WWOX: variants seen among roughly 807,000 people sequenced by gnomAD.
The protein encoded by WWOX is WW domain containing oxidoreductase.
In WWOX, 69 loss-of-function variants were observed where a neutral mutation model predicts 46.2. The observed-to-expected ratio is 1.49, with a 90% CI of 1.23 to 1.82. The LOEUF (loss-of-function observed/expected upper bound fraction) is 1.82. Ranked by LOEUF, WWOX falls within the 40% of genes most tolerant of loss-of-function variation. The probability of loss-of-function intolerance (pLI) is 0.00; values close to 1 mark genes in which losing one functional copy is unlikely to be tolerated. For synonymous variants in WWOX, 359 were observed against 202.6 expected, an observed-to-expected ratio of 1.77 and a Z score of -6.56; for missense variants, 919 against 542.6, an observed-to-expected ratio of 1.69 and a Z score of -6.89.
At position 78,432,691 on chromosome 16, in the gene WWOX, A is replaced by G; in HGVS notation, c.995A>G (p.His332Arg). 1 of 1,614,190 alleles carries G rather than the reference A, an allele frequency of 6.2e-7. No individual in the cohort carries two copies. The highest frequency in any genetic ancestry group is 8.5e-7 in the Non-Finnish European group (1 of 1,180,024). Residue 332 changes from histidine to arginine, a missense_variant, in exon 8 of 9, where the codon CAT becomes CGT. Physicochemically the swap from His to Arg is conservative, Grantham distance 29 (BLOSUM62 0). Coordinates refer to ENST00000566780, the MANE Select transcript of WWOX (RefSeq NM_016373.4). ...GGAAATATGATGTACTCCAACATTC[A>G]TCGCAGCTGGTGGGTGTACACACTG... ...HPGNMMYSNIHRSWWVYTLLF... is the reference protein window; with the variant it reads ...HPGNMMYSNIRRSWWVYTLLF...
At chr16:78,641,803 A>G (rs770785329) in intron 8 of WWOX, among the ~76,000 whole-genome samples, 12 of 152,198 alleles carry the variant, frequency 7.9e-5, no homozygotes, top group Non-Finnish European at 1.6e-4. Flanking sequence ...ATTGAAATTA[A>G]TTTCTGCTTT....
At chr16:79,056,870 C>A (rs1597332712) in intron 8 of WWOX, among the ~76,000 whole-genome samples, 1 of 152,196 alleles carries the variant, frequency 6.6e-6, no homozygotes, top group South Asian at 2.1e-4. Flanking sequence ...AGCTAAAGAG[C>A]CTTTCAGGCA....
At chr16:78,748,289 C>A (rs751248260) in intron 8 of WWOX, among the ~76,000 whole-genome samples, 1 of 152,208 alleles carries the variant, frequency 6.6e-6, no homozygotes, top group Non-Finnish European at 1.5e-5. Flanking sequence ...ACATTTTAAT[C>A]TACTATAAAA....
chr16:78,415,436 C>A (rs906394381), intron 6 of WWOX, among the ~76,000 whole-genome samples: 1 of 152,078 alleles, frequency 6.6e-6, no homozygotes, highest in Non-Finnish European at 1.5e-5. Flanking sequence ...TGCTGACCTC[C>A]TATGTTATCC....
At chr16:78,524,059 A>T (rs16947928) in intron 8 of WWOX, among the ~76,000 whole-genome samples, 1 of 152,200 alleles carries the variant, frequency 6.6e-6, no homozygotes, top group African/African-American at 2.4e-5. Flanking sequence ...GGTGATTCCA[A>T]TGTGAGTGGT....
At chr16:78,869,215 G>A (rs2044072769) in intron 8 of WWOX, among the ~76,000 whole-genome samples, 1 of 152,050 alleles carries the variant, frequency 6.6e-6, no homozygotes, top group South Asian at 2.1e-4. Context: ...TGGTGGGTGG[G>A]GTCCAAGCCT....
intron 8 of WWOX, among the ~76,000 whole-genome samples, chr16:79,186,107 G>T (rs763257256): frequency 2.6e-5 from 4 of 152,116 alleles, no homozygotes; most frequent in South Asian, 2.1e-4. Flanking sequence ...GTGGGCCTCT[G>T]TGTTCACACA....
chr16:78,996,452 C>A, intron 8 of WWOX: 2 of 521,510 alleles, frequency 3.8e-6, no homozygotes, highest in Non-Finnish European at 4.8e-6. Flanking sequence ...ATTCAAAGTG[C>A]TCAGCACTGG....
At chr16:79,109,959 A>G (rs903508740) in intron 8 of WWOX, among the ~76,000 whole-genome samples, 1 of 152,222 alleles carries the variant, frequency 6.6e-6, no homozygotes, top group Non-Finnish European at 1.5e-5. Context: ...CATGGAAATG[A>G]AAGTGCCAAC....
At chr16:78,990,219 T>G (rs983336202) in intron 8 of WWOX, among the ~76,000 whole-genome samples, 3 of 149,366 alleles carry the variant, frequency 2.0e-5, no homozygotes, top group African/African-American at 7.4e-5. Flanking sequence ...GAGGTTGAGC[T>G]CAACTGATCA....
chr16:78,639,278 C>T (rs758033791), intron 8 of WWOX, among the ~76,000 whole-genome samples: 2 of 152,186 alleles, frequency 1.3e-5, no homozygotes, highest in Non-Finnish European at 2.9e-5. Context: ...ATCGATGACA[C>T]ACGCAGGGAA....
At chr16:78,940,920 G>C (rs1445980567) in intron 8 of WWOX, among the ~76,000 whole-genome samples, 1 of 151,744 alleles carries the variant, frequency 6.6e-6, no homozygotes, top group South Asian at 2.1e-4. Flanking sequence ...CATTTGCTTG[G>C]ATCCCAAGGA....
intron 8 of WWOX, among the ~76,000 whole-genome samples, chr16:79,206,960 A>T (rs765114153): frequency 1.3e-5 from 2 of 152,126 alleles, no homozygotes; most frequent in Non-Finnish European, 2.9e-5. Flanking sequence ...TGTGTTTCCA[A>T]TGAGAGATTG....
intron 8 of WWOX, among the ~76,000 whole-genome samples, chr16:78,505,850 A>G (rs1224194538): frequency 6.6e-6 from 1 of 151,996 alleles, no homozygotes. Flanking sequence ...GAGTGGGTGG[A>G]GAGGACTCCA....
rs9924054 is a variant in WWOX at position 78,127,709 on chromosome 16, T to G, written c.409+12555T>G. ...TTGTTCACCCAAGTTTGTGATAGTT[T>G]ATAGGACTGCCTGGTGTATTAAGTA... On this transcript the variant is annotated intron_variant, in intron 4 of 8. Transcript: ENST00000566780. 3.8e-3 allele frequency among the ~76,000 whole-genome samples: 585 copies of G among 152,324 alleles called. 5 individuals are homozygous for G. Among genetic ancestry groups the G allele is most frequent in the African/African-American group, 0.014 (561 of 41,542 alleles).
chr16:78,769,877 A>G (rs1220134106), intron 8 of WWOX, among the ~76,000 whole-genome samples: 2 of 151,666 alleles, frequency 1.3e-5, no homozygotes, highest in African/African-American at 2.4e-5. Context: ...AAATAAAAAT[A>G]AAAATAAATA....
intron 8 of WWOX, among the ~76,000 whole-genome samples, chr16:79,018,196 C>T (rs1257401759): frequency 1.3e-5 from 2 of 151,996 alleles, no homozygotes; most frequent in Non-Finnish European, 1.5e-5. Flanking sequence ...TCGTTGAGTC[C>T]CTAGTTATTT....
At chr16:78,781,601 C>G (rs150614880) in intron 8 of WWOX, among the ~76,000 whole-genome samples, 70 of 152,268 alleles carry the variant, frequency 4.6e-4, no homozygotes, top group East Asian at 1.5e-3. Flanking sequence ...CCCACTTTAT[C>G]CAAAAGTTAT....
chr16:78,541,316 T>C (rs1597237102), intron 8 of WWOX, among the ~76,000 whole-genome samples: 1 of 149,552 alleles, frequency 6.7e-6, no homozygotes, highest in African/African-American at 2.5e-5. Flanking sequence ...CTACTAAAAA[T>C]ACAAAAAATT....
Sources: gnomAD v4.1 joint callset for allele counts (sites outside exome capture counted in the v4.1 genomes callset) on GRCh38, gnomAD v4.1.1 for gene constraint, MANE v1.5 for transcripts, NCBI Gene and HGNC (gene_info 2026-07-23, HGNC 2026-07-21) for gene names.